The following ZNF320 variants were observed in gnomAD, a reference collection of about 807,000 sequenced individuals.
ZNF320 encodes the protein zinc finger protein 320.
A neutral mutation model predicts 6.8 loss-of-function variants in ZNF320; 2 were observed. The ratio of observed to expected loss-of-function variants is 0.29; its 90% CI spans 0.12 to 0.93. ZNF320 has a LOEUF of 0.93. Ranked by LOEUF, ZNF320 falls within the 40% of genes least tolerant of loss-of-function variation. ZNF320 has a pLI of 0.55. For missense variants in ZNF320, 472 were observed against 611.0 expected, an observed-to-expected ratio of 0.77 and a Z score of 2.40; for synonymous variants, 208 against 203.2, an observed-to-expected ratio of 1.02 and a Z score of -0.20.
At position 52,878,213 on chromosome 19, in the gene ZNF320, G is replaced by A; in HGVS notation, c.*2383C>T. 1 of 170,932 alleles carries A rather than the reference G, an allele frequency of 5.9e-6. No individual in the cohort carries two copies. The highest frequency in any genetic ancestry group is 1.5e-4 in the East Asian group (1 of 6,636). 10.6% of individuals were successfully genotyped at this position (170,932 alleles called of 1,614,324 possible). On this transcript the variant is annotated 3_prime_UTR_variant, in exon 6 of 6. Transcript: ENST00000682928. The stretch of plus-strand genomic sequence containing the variant: ...TGTACCTATAAAACTTATGTGGATG[G>A]TCTGCCTGCCACTCTGTGCATCACT...
chr19:52,875,554 T>C (rs950037959), downstream of ZNF320, among the ~76,000 whole-genome samples: 4 of 152,184 alleles, frequency 2.6e-5, no homozygotes, highest in African/African-American at 9.6e-5. Context: ...TACCCTCTCC[T>C]AAAGGAAAAG....
chr19:52,872,448 G>A (rs553816553), downstream of ZNF320, among the ~76,000 whole-genome samples: 3 of 152,292 alleles, frequency 2.0e-5, no homozygotes, highest in South Asian at 2.1e-4. Flanking sequence ...GGGGAGCAGC[G>A]CTCAGCAAGT....
chr19:52,892,771 T>A (rs1237663434), intron 2 of ZNF320, among the ~76,000 whole-genome samples: 4 of 151,528 alleles, frequency 2.6e-5, no homozygotes, highest in African/African-American at 4.9e-5. Flanking sequence ...GGCCCCACTC[T>A]CTGGCACCCC....
At chr19:52,860,644 G>A (rs1432280837), downstream of ZNF320, among the ~76,000 whole-genome samples, 5 of 151,294 alleles carry the variant, frequency 3.3e-5, no homozygotes, top group Admixed American at 2.6e-4. Flanking sequence ...TGGTATTTTA[G>A]TGTGCAAGTA....
chr19:52,885,979 T>C (rs973128274), intron 5 of ZNF320, among the ~76,000 whole-genome samples: 3 of 152,102 alleles, frequency 2.0e-5, no homozygotes, highest in Non-Finnish European at 2.9e-5. Flanking sequence ...TCTTCATAAC[T>C]AAACTTTTTT....
chr19:52,868,577 C>T lies in ZNF320; in HGVS notation c.224-4418G>A, dbSNP rs573835814. On this transcript the variant is annotated intron_variant, in intron 5 of 5. Transcript: ENST00000673631. Reference sequence around the variant, plus strand: ...AGTTCTCAAATAAGTACAGCAGGCCCACAGTGTTCATGTACATGACCCCAA... The same window carrying T: ...AGTTCTCAAATAAGTACAGCAGGCCTACAGTGTTCATGTACATGACCCCAA... Among the ~76,000 whole-genome samples the T allele has an allele frequency of 6.4e-4, 97 of 151,958 alleles. 2 individuals carry two copies. The South Asian group carries it at 0.02, about 32-fold the overall frequency.
chr19:52,897,896 A>C (rs2064524232), upstream of ZNF320, among the ~76,000 whole-genome samples: 1 of 152,092 alleles, frequency 6.6e-6, no homozygotes. Flanking sequence ...GTGGGTCCTG[A>C]GCTTTCCTCC....
upstream of ZNF320, among the ~76,000 whole-genome samples, chr19:52,898,393 C>G (rs549508195): frequency 6.6e-6 from 1 of 152,260 alleles, no homozygotes; most frequent in East Asian, 1.9e-4. Flanking sequence ...AAGCAGGAGC[C>G]GCAAGACCGC....
downstream of ZNF320, among the ~76,000 whole-genome samples, chr19:52,873,291 C>T (rs13345862): frequency 3.0e-3 from 460 of 152,332 alleles, 3 homozygotes; most frequent in African/African-American, 0.011. Flanking sequence ...GGACAATACC[C>T]AGGCTTTCTT....
exon 6 of ZNF320, chr19:52,863,848 T>C (rs1169747751): frequency 4.6e-6 from 1 of 217,588 alleles, no homozygotes; most frequent in Admixed American, 5.7e-5. Context: ...CTGGCCAACA[T>C]GGCAAAACCC....
rs188848434 is a variant in ZNF320 at position 52,880,377 on chromosome 19, C to T, written c.*219G>A. ...ATAAATAAATAAATAAAAGAACATA[C>T]AGGCTGGGAAAAGTGGCTCCCGTCT... On this transcript the variant is annotated 3_prime_UTR_variant, in exon 6 of 6. Transcript: ENST00000682928. 2.8e-4 allele frequency: 134 copies of T among 476,132 alleles called. No homozygotes were observed. Among genetic ancestry groups the T allele is most frequent in the African/African-American group, 1.4e-3 (68 of 50,138 alleles). The allele number at this position is 476,132 out of a possible 1,614,324, so 29.5% of individuals were successfully genotyped here. A position where few individuals can be genotyped will look rare whatever the true frequency, so the allele number is the denominator to read the frequency against.
intron 5 of ZNF320, among the ~76,000 whole-genome samples, chr19:52,869,626 A>C (rs1422916263): frequency 6.6e-6 from 1 of 151,802 alleles, no homozygotes; most frequent in African/African-American, 2.4e-5. Context: ...AACCCCTGCC[A>C]CCCAGGTTCA....
At chr19:52,893,045 C>A (rs1032807233) in intron 2 of ZNF320, among the ~76,000 whole-genome samples, 1 of 151,970 alleles carries the variant, frequency 6.6e-6, no homozygotes, top group African/African-American at 2.4e-5. Flanking sequence ...ATCCCTCACC[C>A]ATCTTCTACT....
intron 5 of ZNF320, among the ~76,000 whole-genome samples, chr19:52,870,901 A>C (rs2063669376): frequency 6.6e-6 from 1 of 152,064 alleles, no homozygotes; most frequent in Non-Finnish European, 1.5e-5. Context: ...TAATCCCAGC[A>C]CTTTGGGAGG....
chr19:52,896,112 G>A (rs1053837131), intron 1 of ZNF320, among the ~76,000 whole-genome samples: 2 of 151,932 alleles, frequency 1.3e-5, no homozygotes, highest in Non-Finnish European at 2.9e-5. Flanking sequence ...ACTTTTTTCA[G>A]ACGGAGTCTC....
At chr19:52,864,018 G>A in exon 6 of ZNF320, 1 of 486,540 alleles carries the variant, frequency 2.1e-6, no homozygotes, top group South Asian at 1.5e-5. Flanking sequence ...ATGTCTGGAG[G>A]AACATTTTCC....
intron 5 of ZNF320, among the ~76,000 whole-genome samples, chr19:52,868,228 C>T (rs1488352414): frequency 1.9e-4 from 29 of 152,212 alleles, no homozygotes; most frequent in African/African-American, 5.3e-4. Flanking sequence ...TGGAGGCATC[C>T]AGGCGCAGTG....
chr19:52,882,184 C>A (rs1404312976), intron 5 of ZNF320, among the ~76,000 whole-genome samples: 1 of 152,080 alleles, frequency 6.6e-6, no homozygotes, highest in African/African-American at 2.4e-5. Context: ...TTTACAGAAG[C>A]CTATTTCCAA....
At chr19:52,864,136 C>A in exon 6 of ZNF320, 1 of 296,520 alleles carries the variant, frequency 3.4e-6, no homozygotes, top group South Asian at 3.7e-5. Context: ...ACTCTATAGC[C>A]ACATCTCTGA....
Sources: gnomAD v4.1 joint callset for allele counts (sites outside exome capture counted in the v4.1 genomes callset) on GRCh38, gnomAD v4.1.1 for gene constraint, MANE v1.5 for transcripts, NCBI Gene and HGNC (gene_info 2026-07-23, HGNC 2026-07-21) for gene names.